The following GNB1L variants were observed in gnomAD, a reference collection of about 807,000 sequenced individuals.
The protein encoded by GNB1L is guanine nucleotide-binding protein subunit beta-like protein 1.
Under a neutral mutation model 29.1 loss-of-function variants are expected in GNB1L, and 20 were observed. That is an observed-to-expected ratio of 0.69 (90% CI 0.48 to 1.00). The LOEUF (loss-of-function observed/expected upper bound fraction) is 1.00. GNB1L is among the 50% of genes least tolerant of loss of function. The pLI, the probability that GNB1L is intolerant of heterozygous loss-of-function variation, is 0.00. For synonymous variants in GNB1L, 193 were observed against 206.5 expected, an observed-to-expected ratio of 0.93 and a Z score of 0.56; for missense variants, 421 against 464.9, an observed-to-expected ratio of 0.91 and a Z score of 0.87.
At position 19,793,363 on chromosome 22, in the gene GNB1L, T is replaced by C. The variant is rs943966371; in HGVS notation, c.733-4403A>G. On this transcript the variant is annotated intron_variant, in intron 7 of 7. Coordinates refer to ENST00000329517, the MANE Select transcript of GNB1L (RefSeq NM_053004.3). ...TATATATTTTTTAAAGTCAGTGAAC[T>C]GGAAGACAGATCAACAGACATTGCC... is the stretch of plus-strand genomic sequence containing the variant. Among the ~76,000 whole-genome samples the C allele has an allele frequency of 5.9e-5, 9 of 152,252 alleles. No individual in the cohort carries two copies. The South Asian group carries it at 1.9e-3, about 32-fold the overall frequency.
intron 4 of GNB1L, among the ~76,000 whole-genome samples, chr22:19,813,248 C>A (rs1937513451): frequency 6.6e-6 from 1 of 152,188 alleles, no homozygotes; most frequent in South Asian, 2.1e-4. Flanking sequence ...ATGACCACAC[C>A]TAACCCAAGT....
chr22:19,805,332 G>A (rs1937421078), intron 6 of GNB1L, among the ~76,000 whole-genome samples: 1 of 152,216 alleles, frequency 6.6e-6, no homozygotes, highest in African/African-American at 2.4e-5. Context: ...GACTCTGGGG[G>A]TACCCATCCC....
chr22:19,813,346 G>T (rs1276584454), intron 4 of GNB1L, among the ~76,000 whole-genome samples: 1 of 152,142 alleles, frequency 6.6e-6, no homozygotes, highest in Non-Finnish European at 1.5e-5. Context: ...AAAACCAAGA[G>T]GAGTCTCAAG....
At chr22:19,851,510 C>T in intron 2 of GNB1L, 2 of 1,614,132 alleles carry the variant, frequency 1.2e-6, no homozygotes, top group Non-Finnish European at 1.7e-6. Flanking sequence ...CAGAGCACTT[C>T]TAGATACAGA....
At chr22:19,832,167 G>A (rs537168986) in intron 2 of GNB1L, among the ~76,000 whole-genome samples, 4 of 151,976 alleles carry the variant, frequency 2.6e-5, no homozygotes, top group East Asian at 1.9e-4. Flanking sequence ...CTGTCTTTAC[G>A]AAAAATAAAA....
At position 19,788,909 on chromosome 22, in the gene GNB1L, G is replaced by T; in HGVS notation, c.784C>A (p.Arg262=). 6.2e-7 allele frequency: 1 copy of T among 1,612,032 alleles called. No individual in the cohort carries two copies. Among genetic ancestry groups the T allele is most frequent in the Non-Finnish European group, 8.5e-7 (1 of 1,179,242 alleles). Residue 262 remains arginine (R), a synonymous_variant, in exon 8 of 8, where the codon CGG becomes AGG. Transcript: ENST00000329517. ...GTGGCCAGGATCTTGCGATCTGGCC[G>T]GATCGTGACCTCGGCGATCCCGGGA... The part of the protein sequence containing the change: ...TNPGIAEVTI[R]PDRKILATAG...
At position 19,788,063 on chromosome 22, in the gene GNB1L, A is replaced by T. The variant is rs1937207248; in HGVS notation, c.*646T>A. The T allele has an allele frequency of 6.3e-6, 1 of 158,218 alleles. No individual in the cohort carries two copies. Among genetic ancestry groups the T allele is most frequent in the South Asian group, 1.9e-4 (1 of 5,236 alleles). 9.8% of individuals were successfully genotyped at this position (158,218 alleles called of 1,614,324 possible). The stretch of plus-strand genomic sequence containing the variant: ...GCAGGCGTGCCCTCCCGGATCCCAC[A>T]TCTGGCCTGGCCCTGTGCGCTGCAA... On this transcript the variant is annotated 3_prime_UTR_variant, in exon 8 of 8. Transcript: ENST00000329517.
At chr22:19,847,804 CA>C (rs34331843) in intron 2 of GNB1L, 96,264 of 597,636 alleles carry the variant, frequency 0.16, 6 homozygotes, top group Non-Finnish European at 0.18. Context: ...GAATCATAGG[CA>C]AAAAAAAAAA....
In GNB1L at chr22:19,812,406, TC is replaced by T; in HGVS notation, c.295del (p.Glu99ArgfsTer56). On this transcript the variant is annotated frameshift_variant, in exon 5 of 8. Coordinates refer to ENST00000329517, the MANE Select transcript of GNB1L (RefSeq NM_053004.3). LOFTEE classifies it high-confidence loss of function. Reference sequence around the variant, plus strand: ...GGAGTCCACGACAGCGCTCCTGCCCTCCGCGAGGTCCCACAGGCACAGCTTC... The same window carrying T: ...GGAGTCCACGACAGCGCTCCTGCCCTCGCGAGGTCCCACAGGCACAGCTTC... ...DLKLCLWDLA[E>X]GRSAVVDSVC... 1 of 1,613,078 alleles carries T rather than the reference TC, an allele frequency of 6.2e-7. No homozygotes were observed. The highest frequency in any genetic ancestry group is 1.1e-5 in the South Asian group (1 of 91,050).
intron 2 of GNB1L, among the ~76,000 whole-genome samples, chr22:19,824,141 C>G (rs898002607): frequency 6.6e-5 from 10 of 152,258 alleles, no homozygotes; most frequent in African/African-American, 2.2e-4. Flanking sequence ...AATGATGCAT[C>G]GGCAATTAAG....
intron 2 of GNB1L, among the ~76,000 whole-genome samples, chr22:19,842,128 G>T (rs1225233856): frequency 6.6e-6 from 1 of 152,208 alleles, no homozygotes; most frequent in Non-Finnish European, 1.5e-5. Flanking sequence ...GTCATCCCCT[G>T]CCTTCCTGGT....
At chr22:19,844,068 T>A (rs1385825422) in intron 2 of GNB1L, among the ~76,000 whole-genome samples, 1 of 152,116 alleles carries the variant, frequency 6.6e-6, no homozygotes, top group African/African-American at 2.4e-5. Context: ...AGACCCACAG[T>A]GCCCCACCCA....
At chr22:19,803,422 T>C (rs1329094953) in intron 6 of GNB1L, among the ~76,000 whole-genome samples, 3 of 151,830 alleles carry the variant, frequency 2.0e-5, no homozygotes, top group Admixed American at 2.0e-4. Flanking sequence ...GCTGCCAGAG[T>C]CCACATTGTC....
intron 4 of GNB1L, among the ~76,000 whole-genome samples, chr22:19,818,155 G>A (rs1937547842): frequency 6.6e-6 from 1 of 152,218 alleles, no homozygotes; most frequent in African/African-American, 2.4e-5. Flanking sequence ...GGCTCTGCCT[G>A]GGAAGCAGCC....
intron 2 of GNB1L, among the ~76,000 whole-genome samples, chr22:19,844,061 C>A (rs1332579411): frequency 6.6e-6 from 1 of 152,162 alleles, no homozygotes; most frequent in Non-Finnish European, 1.5e-5. Context: ...GAGACTGAGA[C>A]CCACAGTGCC....
intron 2 of GNB1L, among the ~76,000 whole-genome samples, chr22:19,832,792 A>G (rs1021953879): frequency 6.6e-6 from 1 of 152,152 alleles, no homozygotes; most frequent in South Asian, 2.1e-4. Context: ...AAGTTCCCCA[A>G]TTCTGTGAAT....
intron 2 of GNB1L, chr22:19,847,255 G>A (rs1937982214): frequency 1.0e-6 from 1 of 985,278 alleles, no homozygotes; most frequent in African/African-American, 1.7e-5. Context: ...GAAATAAGCA[G>A]TGCCAACTGT....
chr22:19,852,400 T>C, intron 2 of GNB1L: 1 of 893,756 alleles, frequency 1.1e-6, no homozygotes, highest in Middle Eastern at 3.6e-4. Flanking sequence ...AGGCAAGTGC[T>C]GAGGATCAGG....
rs751131114 is a variant in GNB1L at position 19,812,325 on chromosome 22, G to A, written c.377C>T (p.Pro126Leu). The A allele has an allele frequency of 1.2e-6, 2 of 1,613,074 alleles. No individual in the cohort carries two copies. The highest frequency in any genetic ancestry group is 1.7e-6 in the Non-Finnish European group (2 of 1,179,916). Reference sequence around the variant, plus strand: ...CCCTGGCACGGCAAGCGTCCAGCGTGGCTGGCCCCCGGCCAGGATGCTGCT... The same window carrying A: ...CCCTGGCACGGCAAGCGTCCAGCGTAGCTGGCCCCCGGCCAGGATGCTGCT... ...CRSSILAGGQ[P>L]RWTLAVPGRG... Residue 126 changes from proline to leucine, a missense_variant, in exon 5 of 8, where the codon CCA (proline) becomes CTA (leucine). Transcript: ENST00000329517.
Sources: gnomAD v4.1 joint callset for allele counts (sites outside exome capture counted in the v4.1 genomes callset) on GRCh38, gnomAD v4.1.1 for gene constraint, MANE v1.5 for transcripts, NCBI Gene and HGNC (gene_info 2026-07-23, HGNC 2026-07-21) for gene names.